The following CDH13 variants were observed in gnomAD, a reference collection of about 807,000 sequenced individuals.
The protein encoded by CDH13 is cadherin 13, also known as cadherin-13.
CDH13 carries 24 observed loss-of-function variants against 63.8 expected under a neutral mutation model. The ratio of observed to expected loss-of-function variants is 0.38; its 90% CI spans 0.27 to 0.53. The LOEUF is 0.53. CDH13 is among the 20% of genes least tolerant of loss of function. The pLI is 0.85. For missense variants in CDH13, 1,049 were observed against 903.1 expected (o/e 1.16, Z -2.07); for synonymous variants, 503 against 355.3 (o/e 1.42, Z -4.67).
intron 1 of CDH13, among the ~76,000 whole-genome samples, chr16:82,837,377 C>G (rs900274264): frequency 2.6e-5 from 4 of 152,102 alleles, no homozygotes; most frequent in Non-Finnish European, 5.9e-5. Flanking sequence ...GAATGAAATT[C>G]AGATCCATCA....
chr16:82,751,996 C>T (rs1022256904), intron 1 of CDH13, among the ~76,000 whole-genome samples: 4 of 152,182 alleles, frequency 2.6e-5, no homozygotes, highest in Admixed American at 2.0e-4. Flanking sequence ...CAAACAATGA[C>T]CATGTCTAAG....
At chr16:82,941,916 A>G (rs1051282922) in intron 2 of CDH13, among the ~76,000 whole-genome samples, 13 of 152,210 alleles carry the variant, frequency 8.5e-5, no homozygotes, top group Admixed American at 7.2e-4. Flanking sequence ...CCTCAGTGGT[A>G]ATTCAAGGAG....
intron 6 of CDH13, among the ~76,000 whole-genome samples, chr16:83,353,172 C>G (rs544731726): frequency 6.6e-6 from 1 of 152,244 alleles, no homozygotes; most frequent in African/African-American, 2.4e-5. Flanking sequence ...CGTCAGCACT[C>G]TGCCACATGT....
At chr16:82,643,235 A>G (rs1909638915) in intron 1 of CDH13, among the ~76,000 whole-genome samples, 1 of 152,218 alleles carries the variant, frequency 6.6e-6, no homozygotes, top group African/African-American at 2.4e-5. Flanking sequence ...TAAAACTGGT[A>G]TTGAATAGGA....
At chr16:83,235,477 G>A (rs1231037287) in intron 5 of CDH13, among the ~76,000 whole-genome samples, 2 of 152,126 alleles carry the variant, frequency 1.3e-5, no homozygotes, top group African/African-American at 2.4e-5. Context: ...TCAGGGCTCT[G>A]CCTAGCCGGG....
chr16:83,313,700 A>T (rs2090047640), intron 5 of CDH13, among the ~76,000 whole-genome samples: 1 of 151,132 alleles, frequency 6.6e-6, no homozygotes, highest in Admixed American at 6.6e-5. Context: ...TTAAAATGTG[A>T]GCATTCTAGA....
chr16:83,311,588 T>C (rs770662932), intron 5 of CDH13, among the ~76,000 whole-genome samples: 4 of 152,202 alleles, frequency 2.6e-5, no homozygotes, highest in Non-Finnish European at 5.9e-5. Context: ...AAACTGAGTC[T>C]CAGTGAGGGG....
chr16:82,725,879 T>C (rs1332001669), intron 1 of CDH13, among the ~76,000 whole-genome samples: 6 of 152,196 alleles, frequency 3.9e-5, no homozygotes, highest in Non-Finnish European at 5.9e-5. Context: ...TCCAGTTACC[T>C]TTCTGTTCAT....
At chr16:82,705,477 C>T (rs1346409544) in intron 1 of CDH13, among the ~76,000 whole-genome samples, 2 of 152,210 alleles carry the variant, frequency 1.3e-5, no homozygotes, top group South Asian at 2.1e-4. Context: ...CCGTCCCCAT[C>T]TGAATCTTTA....
intron 1 of CDH13, among the ~76,000 whole-genome samples, chr16:82,696,634 C>G (rs530358264): frequency 1.3e-5 from 2 of 152,338 alleles, no homozygotes; most frequent in African/African-American, 4.8e-5. Context: ...CTACATGACT[C>G]TTATCATTTC....
intron 7 of CDH13, among the ~76,000 whole-genome samples, chr16:83,555,114 G>A (rs528253692): frequency 6.6e-6 from 1 of 152,128 alleles, no homozygotes; most frequent in Non-Finnish European, 1.5e-5. Flanking sequence ...CAGAGAGAGC[G>A]AGCTACTTTG....
intron 10 of CDH13, among the ~76,000 whole-genome samples, chr16:83,692,579 A>G (rs1036307386): frequency 3.3e-5 from 5 of 152,232 alleles, no homozygotes; most frequent in African/African-American, 1.2e-4. Context: ...AAGGAGAACA[A>G]GGATCTGTCA....
intron 10 of CDH13, among the ~76,000 whole-genome samples, chr16:83,692,994 A>C (rs1905056629): frequency 1.3e-5 from 2 of 152,188 alleles, no homozygotes; most frequent in Non-Finnish European, 2.9e-5. Context: ...GAGGCAAGAG[A>C]ATCACTTGAA....
At chr16:82,736,752 ACT>A (rs1220020706) in intron 1 of CDH13, among the ~76,000 whole-genome samples, 7 of 151,780 alleles carry the variant, frequency 4.6e-5, no homozygotes, top group African/African-American at 1.5e-4. Context: ...GGATACACTC[ACT>A]CTCTTACCCT....
At chr16:83,539,066 C>G (rs2075251586) in intron 7 of CDH13, among the ~76,000 whole-genome samples, 1 of 151,766 alleles carries the variant, frequency 6.6e-6, no homozygotes, top group East Asian at 1.9e-4. Context: ...GTTTTCGAAA[C>G]TTTGATTTTA....
intron 4 of CDH13, among the ~76,000 whole-genome samples, chr16:83,131,198 C>CTA (rs2036035040): frequency 7.9e-6 from 1 of 126,276 alleles, no homozygotes; most frequent in Non-Finnish European, 1.6e-5. Flanking sequence ...CCCCCCCCCC[C>CTA]CCCGCCCACA....
At chr16:82,680,369 T>C (rs561932156) in intron 1 of CDH13, among the ~76,000 whole-genome samples, 4 of 152,186 alleles carry the variant, frequency 2.6e-5, no homozygotes, top group African/African-American at 4.8e-5. Context: ...CTGAGACTTG[T>C]AGAGGTTAGG....
At chr16:83,121,014 G>T (rs918948748) in intron 3 of CDH13, among the ~76,000 whole-genome samples, 2 of 151,902 alleles carry the variant, frequency 1.3e-5, no homozygotes, top group African/African-American at 2.4e-5. Context: ...CTCCCGCCTC[G>T]GCCTCCCAAA....
At chr16:83,340,358 A>C (rs10514574) in intron 5 of CDH13, among the ~76,000 whole-genome samples, 21,994 of 151,986 alleles carry the variant, frequency 0.14, 1,791 homozygotes, top group South Asian at 0.19. Context: ...CTCCAGATAG[A>C]CCTACAAACA....
Sources: gnomAD v4.1 joint callset for allele counts (sites outside exome capture counted in the v4.1 genomes callset) on GRCh38, gnomAD v4.1.1 for gene constraint, MANE v1.5 for transcripts, NCBI Gene and HGNC (gene_info 2026-07-23, HGNC 2026-07-21) for gene names.